RNF2: variants seen among roughly 807,000 people sequenced by gnomAD.
RNF2 encodes the protein E3 ubiquitin-protein ligase RING2.
Under a neutral mutation model 37.2 loss-of-function variants are expected in RNF2, and 6 were observed. That is an observed-to-expected ratio of 0.16 (90% CI 0.09 to 0.32). The LOEUF (loss-of-function observed/expected upper bound fraction) is 0.32. RNF2 is among the 10% of genes least tolerant of loss of function. The pLI, the probability that RNF2 is intolerant of heterozygous loss-of-function variation, is 1.00. For synonymous variants in RNF2, 133 were observed against 132.7 expected, an observed-to-expected ratio of 1.00 and a Z score of -0.02; for missense variants, 251 against 404.0, an observed-to-expected ratio of 0.62 and a Z score of 3.25.
chr1:185,094,681 T>C (rs1651863697), intron 4 of RNF2, among the ~76,000 whole-genome samples: 1 of 152,210 alleles, frequency 6.6e-6, no homozygotes. Context: ...GGTTTTCCTT[T>C]GCTCAGAGCC....
chr1:185,056,276 T>C (rs1170116984), intron 1 of RNF2, among the ~76,000 whole-genome samples: 2 of 152,178 alleles, frequency 1.3e-5, no homozygotes, highest in African/African-American at 2.4e-5. Context: ...TTTGGAATAA[T>C]TGATTTAGGA....
At chr1:185,097,700 T>C (rs1651951309) in intron 4 of RNF2, among the ~76,000 whole-genome samples, 2 of 152,118 alleles carry the variant, frequency 1.3e-5, no homozygotes, top group African/African-American at 2.4e-5. Flanking sequence ...CCCAGCTAAT[T>C]AAAATTTTTT....
rs1184643636 is a variant in RNF2 at position 185,102,330 on chromosome 1, C to G, written c.*2029C>G. 1 of 152,086 alleles carries G rather than the reference C, an allele frequency of 6.6e-6. No individual in the cohort carries two copies. The highest frequency in any genetic ancestry group is 1.5e-5 in the Non-Finnish European group (1 of 68,000). The allele number at this position is 152,086 out of a possible 1,614,324, so 9.4% of individuals were successfully genotyped here. ...CAACCAGGGTTTCAAAAAGTATTAC[C>G]TAAGTAATTTCTTTTATCACTATCT... On this transcript the variant is annotated 3_prime_UTR_variant, in exon 7 of 7. Transcript: ENST00000367510.
chr1:185,097,570 C>T (rs1651947530), intron 4 of RNF2, among the ~76,000 whole-genome samples: 1 of 152,256 alleles, frequency 6.6e-6, no homozygotes, highest in South Asian at 2.1e-4. Flanking sequence ...GCGTCTTACT[C>T]TGGCCCAGGC....
At position 185,102,470 on chromosome 1, in the gene RNF2, G is replaced by A. The variant is rs1051410657; in HGVS notation, c.*2169G>A. ...CATTTACAGTTTTAACCATTTTAAG[G>A]CATGTAATTCAGTGGGGTTAGGTAC... On this transcript the variant is annotated 3_prime_UTR_variant, in exon 7 of 7. Transcript: ENST00000367510. 3 of 152,086 alleles carry A rather than the reference G, an allele frequency of 2.0e-5. No individual in the cohort carries two copies. The highest frequency in any genetic ancestry group is 7.2e-5 in the African/African-American group (3 of 41,416). The allele number at this position is 152,086 out of a possible 1,614,324, so 9.4% of individuals were successfully genotyped here.
intron 3 of RNF2, among the ~76,000 whole-genome samples, chr1:185,092,362 A>AG (rs1487400788): frequency 6.6e-6 from 1 of 151,500 alleles, no homozygotes. Flanking sequence ...TTTTTAGTAG[A>AG]GGGGGGCTTT....
intron 1 of RNF2, among the ~76,000 whole-genome samples, chr1:185,066,717 A>T (rs902835681): frequency 6.6e-6 from 1 of 152,232 alleles, no homozygotes; most frequent in African/African-American, 2.4e-5. Context: ...GAAAGAAAAT[A>T]AGGCTGCTGC....
At chr1:185,072,400 G>T (rs1308306284) in intron 1 of RNF2, among the ~76,000 whole-genome samples, 2 of 152,072 alleles carry the variant, frequency 1.3e-5, no homozygotes, top group Non-Finnish European at 2.9e-5. Context: ...AGGTATTGGG[G>T]ATATTGTGGT....
At chr1:185,062,284 TTGACAG>T (rs956082265) in intron 1 of RNF2, among the ~76,000 whole-genome samples, 4 of 152,198 alleles carry the variant, frequency 2.6e-5, no homozygotes, top group African/African-American at 9.7e-5. Flanking sequence ...TCATTTATTG[TTGACAG>T]TGTAGGAAGT....
chr1:185,072,559 AATC>A (rs1268142710), intron 1 of RNF2, among the ~76,000 whole-genome samples: 1 of 152,014 alleles, frequency 6.6e-6, no homozygotes, highest in Non-Finnish European at 1.5e-5. Context: ...GGGGGGAAGA[AATC>A]ATTCCTTTCC....
chr1:185,099,602 T>C (rs1652019146), intron 5 of RNF2, among the ~76,000 whole-genome samples, 189 bp from the exon 6 acceptor site: 1 of 152,156 alleles, frequency 6.6e-6, no homozygotes, highest in South Asian at 2.1e-4. Context: ...GTATTTACTT[T>C]CCCCTCTTCT....
chr1:185,085,805 C>T (rs1351025429), intron 1 of RNF2, among the ~76,000 whole-genome samples: 1 of 152,144 alleles, frequency 6.6e-6, no homozygotes, highest in Admixed American at 6.5e-5. Flanking sequence ...AGACGCGCAC[C>T]ACCACACCCG....
At chr1:185,070,022 T>C (rs1389456033) in intron 1 of RNF2, among the ~76,000 whole-genome samples, 1 of 152,230 alleles carries the variant, frequency 6.6e-6, no homozygotes, top group Admixed American at 6.5e-5. Flanking sequence ...ACTTATTCTT[T>C]TGACAGAGTA....
At chr1:185,087,036 A>G (rs1651620600) in intron 1 of RNF2, among the ~76,000 whole-genome samples, 1 of 152,210 alleles carries the variant, frequency 6.6e-6, no homozygotes, top group African/African-American at 2.4e-5. Flanking sequence ...AGTAGTTCAT[A>G]TTTATAAGTG....
At chr1:185,076,907 G>A (rs1375248125) in intron 1 of RNF2, among the ~76,000 whole-genome samples, 1 of 151,796 alleles carries the variant, frequency 6.6e-6, no homozygotes, top group South Asian at 2.1e-4. Flanking sequence ...CATTTTGTCT[G>A]CTGGTATTTT....
At chr1:185,071,337 T>C (rs1262531945) in intron 1 of RNF2, among the ~76,000 whole-genome samples, 3 of 152,174 alleles carry the variant, frequency 2.0e-5, no homozygotes, top group African/African-American at 4.8e-5. Flanking sequence ...AGGGAAGATA[T>C]GTATCCTGAA....
chr1:185,067,864 C>T (rs972495790), intron 1 of RNF2, among the ~76,000 whole-genome samples: 1 of 150,280 alleles, frequency 6.7e-6, no homozygotes, highest in Admixed American at 6.6e-5. Context: ...GCGCCTGCCA[C>T]CACGCCCAGC....
At chr1:185,066,521 C>A (rs1429804775) in intron 1 of RNF2, among the ~76,000 whole-genome samples, 2 of 152,284 alleles carry the variant, frequency 1.3e-5, no homozygotes, top group South Asian at 4.1e-4. Flanking sequence ...TTATTTATGC[C>A]TTCTTAGCAT....
intron 5 of RNF2, among the ~76,000 whole-genome samples, chr1:185,099,376 A>G (rs772683778): frequency 6.6e-6 from 1 of 152,220 alleles, no homozygotes; most frequent in Admixed American, 6.5e-5. Flanking sequence ...GTTAGTCTTA[A>G]AAGACATTTT....
Sources: gnomAD v4.1 joint callset for allele counts (sites outside exome capture counted in the v4.1 genomes callset) on GRCh38, gnomAD v4.1.1 for gene constraint, MANE v1.5 for transcripts, NCBI Gene and HGNC (gene_info 2026-07-23, HGNC 2026-07-21) for gene names.